The following DIP2C variants were observed in gnomAD, a reference collection of about 807,000 sequenced individuals.
DIP2C encodes disco-interacting protein 2 homolog C.
Under a neutral mutation model 192.4 loss-of-function variants are expected in DIP2C, and 33 were observed. That is an observed-to-expected ratio of 0.17 (90% CI 0.13 to 0.23). DIP2C has a LOEUF of 0.23. Among genes scored for constraint, DIP2C ranks in the 10% least tolerant of loss-of-function variants. DIP2C has a pLI of 1.00. For missense variants in DIP2C, 1,537 were observed against 2,110.1 expected, an observed-to-expected ratio of 0.73 and a Z score of 5.32; for synonymous variants, 979 against 864.1, an observed-to-expected ratio of 1.13 and a Z score of -2.33.
intron 1 of DIP2C, among the ~76,000 whole-genome samples, chr10:528,589 C>T (rs1057388817): frequency 2.6e-5 from 4 of 152,200 alleles, no homozygotes; most frequent in Non-Finnish European, 4.4e-5. Flanking sequence ...ACTCAGGAGG[C>T]GCTGTGCAGA....
intron 7 of DIP2C, among the ~76,000 whole-genome samples, chr10:414,707 A>ATGTATGTG (rs1554847954): frequency 4.2e-5 from 2 of 47,800 alleles, no homozygotes; most frequent in Non-Finnish European, 4.0e-5. Flanking sequence ...GTGTGTATGT[A>ATGTATGTG]TGTGTGTGTG....
At chr10:671,211 C>T (rs903963820) in intron 1 of DIP2C, among the ~76,000 whole-genome samples, 3 of 152,246 alleles carry the variant, frequency 2.0e-5, no homozygotes, top group Non-Finnish European at 2.9e-5. Context: ...CAGCACACAG[C>T]GATCAGTAAG....
At chr10:303,457 CAT>C (rs1478672525) in intron 32 of DIP2C, among the ~76,000 whole-genome samples, 7 of 152,264 alleles carry the variant, frequency 4.6e-5, no homozygotes, top group Admixed American at 6.5e-5. Context: ...CAGATTAAAA[CAT>C]ATTGTACAGC....
intron 19 of DIP2C, chr10:364,852 A>C: frequency 1.6e-6 from 1 of 633,602 alleles, no homozygotes; most frequent in Non-Finnish European, 3.0e-6. Context: ...TGAACAGATA[A>C]CACCCAGAAG....
rs191059344 is a variant in DIP2C, at chr10:489,125, C to A, written c.86-2595G>T. Among the ~76,000 whole-genome samples, 315 of 152,302 alleles carry A rather than the reference C, an allele frequency of 2.1e-3. 1 individual carries two copies. Among genetic ancestry groups the A allele is most frequent in the Non-Finnish European group, 3.0e-3 (203 of 68,028 alleles). On this transcript the variant is annotated intron_variant, in intron 1 of 36. Coordinates refer to ENST00000280886, the MANE Select transcript of DIP2C (RefSeq NM_014974.3). ...AGCGCTGGATGCCACGGCCCTGAGA[C>A]CAGGCTCACTCAGGCCCCAAAGCTC...
chr10:557,735 GGGGGAGAGGATGGGT>G (rs1848966235), intron 1 of DIP2C, among the ~76,000 whole-genome samples: 2 of 54,516 alleles, frequency 3.7e-5, no homozygotes, highest in African/African-American at 2.0e-4. Context: ...GGGAGGGGAA[GGGGGAGAGGATGGGT>G]GGGAAGGGGG....
intron 25 of DIP2C, among the ~76,000 whole-genome samples, 192 bp from the exon 26 acceptor site, chr10:348,954 T>C (rs1409236611): frequency 1.3e-5 from 2 of 152,216 alleles, no homozygotes; most frequent in Non-Finnish European, 2.9e-5. Context: ...CTTTCAGACA[T>C]GAGGTGACGA....
Position 424,355 on chromosome 10 carries a change from G to GTTTTTTTTTTTTTTTTT in DIP2C, c.395-1339_395-1323dup, listed in dbSNP as rs557255878. Among the ~76,000 whole-genome samples the GTTTTTTTTTTTTTTTTT allele has an allele frequency of 4.6e-4, 38 of 83,122 alleles. 3 individuals carry two copies. Among genetic ancestry groups the GTTTTTTTTTTTTTTTTT allele is most frequent in the African/African-American group, 1.7e-3 (38 of 22,150 alleles). 54.5% of individuals were successfully genotyped at this position (83,122 alleles called of 152,430 possible). On this transcript the variant is annotated intron_variant, in intron 4 of 36. Coordinates refer to ENST00000280886, the MANE Select transcript of DIP2C (RefSeq NM_014974.3). ...GCCTGAAAATTCTCTATCACCTTGGGTTTTTTTTTTTTTTTTTTTTTTTTT... is the reference window on the plus strand; with the variant it reads ...GCCTGAAAATTCTCTATCACCTTGGGTTTTTTTTTTTTTTTTTTTTTTTTTTTTTTTTTTTTTTTTTT...
At position 338,916 on chromosome 10, in the gene DIP2C, A is replaced by ACCTGCAC. The variant is rs1296227318; in HGVS notation, c.3584+2276_3584+2282dup. ...CTGCCTGGCTCCCACAGCCCACGCC[A>ACCTGCAC]CCTGCACCCTGCACCCTGCCTGGCT... On this transcript the variant is annotated intron_variant, in intron 29 of 36. Transcript: ENST00000280886. Among the ~76,000 whole-genome samples, 15 of 135,852 alleles carry ACCTGCAC rather than the reference A, an allele frequency of 1.1e-4. No homozygotes were observed. The East Asian group carries it at 1.8e-3, about 16-fold the overall frequency. 89.1% of individuals were successfully genotyped at this position (135,852 alleles called of 152,430 possible). A position where few individuals can be genotyped will look rare whatever the true frequency, so the allele number is the denominator to read the frequency against.
At chr10:654,789 CACA>C (rs1856176861) in intron 1 of DIP2C, among the ~76,000 whole-genome samples, 1 of 152,174 alleles carries the variant, frequency 6.6e-6, no homozygotes, top group Non-Finnish European at 1.5e-5. Context: ...TAGTATGGAG[CACA>C]ACACTGCCCC....
At chr10:312,035 C>G (rs572234743) in intron 31 of DIP2C, among the ~76,000 whole-genome samples, 1 of 152,214 alleles carries the variant, frequency 6.6e-6, no homozygotes, top group Non-Finnish European at 1.5e-5. Flanking sequence ...GCAAGTAGGG[C>G]ACTAGCTCTA....
intron 1 of DIP2C, among the ~76,000 whole-genome samples, chr10:640,374 G>A (rs1855103699): frequency 2.0e-5 from 3 of 152,252 alleles, no homozygotes; most frequent in African/African-American, 4.8e-5. Flanking sequence ...CTTACCTTTA[G>A]AACTCACCTC....
chr10:430,480 A>G (rs976914493), intron 4 of DIP2C: 1 of 152,278 alleles, frequency 6.6e-6, no homozygotes, highest in African/African-American at 2.4e-5. Flanking sequence ...AGCTGAGACT[A>G]CAGGCACATG....
intron 2 of DIP2C, among the ~76,000 whole-genome samples, chr10:474,972 TC>T (rs1970946288): frequency 6.6e-6 from 1 of 152,176 alleles, no homozygotes; most frequent in African/African-American, 2.4e-5. Flanking sequence ...ATCAGGTTTT[TC>T]TTCTCACGGG....
chr10:393,983 A>G (rs1468837829), intron 10 of DIP2C, among the ~76,000 whole-genome samples: 4 of 152,232 alleles, frequency 2.6e-5, no homozygotes, highest in Non-Finnish European at 5.9e-5. Context: ...TAGCACAGCC[A>G]TTATGGAAAA....
chr10:352,229 G>A (rs1958849466), intron 24 of DIP2C, among the ~76,000 whole-genome samples: 1 of 152,260 alleles, frequency 6.6e-6, no homozygotes, highest in African/African-American at 2.4e-5. Flanking sequence ...TGAGATTTGA[G>A]AGGCTCAGAT....
chr10:448,673 T>G (rs1419436690), intron 3 of DIP2C, among the ~76,000 whole-genome samples: 3 of 137,614 alleles, frequency 2.2e-5, no homozygotes, highest in African/African-American at 8.3e-5. Context: ...CTCACCCCTG[T>G]CGATATTCAG....
intron 1 of DIP2C, among the ~76,000 whole-genome samples, chr10:619,326 C>T (rs1031817461): frequency 6.6e-6 from 1 of 152,198 alleles, no homozygotes. Flanking sequence ...CAAAACAGGT[C>T]CCACCAGCTA....
intron 36 of DIP2C, among the ~76,000 whole-genome samples, 189 bp from the exon 37 acceptor site, chr10:277,766 C>T (rs1954591717): frequency 6.6e-6 from 1 of 152,136 alleles, no homozygotes; most frequent in Non-Finnish European, 1.5e-5. Context: ...GCGACAGCAC[C>T]TGTCGGTGTT....
Sources: gnomAD v4.1 joint callset for allele counts (sites outside exome capture counted in the v4.1 genomes callset) on GRCh38, gnomAD v4.1.1 for gene constraint, MANE v1.5 for transcripts, NCBI Gene and HGNC (gene_info 2026-07-23, HGNC 2026-07-21) for gene names.